Variants in MAGI2 observed in about 807,000 individuals in gnomAD.
MAGI2 encodes the protein membrane-associated guanylate kinase, WW and PDZ domain-containing protein 2.
A neutral mutation model predicts 133.3 loss-of-function variants in MAGI2; 35 were observed. That is an observed-to-expected ratio of 0.26 (90% confidence interval 0.20 to 0.35). MAGI2 has a LOEUF of 0.35. Ranked by LOEUF, MAGI2 falls within the 10% of genes least tolerant of loss-of-function variation. MAGI2 has a pLI of 1.00. For missense variants in MAGI2, 1,636 were observed against 1,863.4 expected (o/e 0.88, Z 2.25); for synonymous variants, 729 against 710.6 (o/e 1.03, Z -0.41).
At chr7:78,664,502 T>G (rs1258249793) in intron 2 of MAGI2, among the ~76,000 whole-genome samples, 1 of 152,060 alleles carries the variant, frequency 6.6e-6, no homozygotes, top group Non-Finnish European at 1.5e-5. Flanking sequence ...TGAAAGAACT[T>G]TCATAGATAA....
intron 1 of MAGI2, among the ~76,000 whole-genome samples, chr7:79,115,670 C>T (rs1418694054): frequency 3.3e-5 from 5 of 151,802 alleles, no homozygotes; most frequent in African/African-American, 9.7e-5. Context: ...CTGTTCTGAG[C>T]TCTTTAGCTG....
rs546424091 is a variant in MAGI2 at position 78,507,563 on chromosome 7, T to C, written c.755-5776A>G. Reference sequence around the variant, plus strand: ...ACTCTCCTAGACATTCAAGGCAACATGGAGGGTGGAGAAGACATGTCTCCC... The same window carrying C: ...ACTCTCCTAGACATTCAAGGCAACACGGAGGGTGGAGAAGACATGTCTCCC... On this transcript the variant is annotated intron_variant, in intron 4 of 21. Coordinates refer to ENST00000354212, the MANE Select transcript of MAGI2 (RefSeq NM_012301.4). Among the ~76,000 whole-genome samples the C allele has an allele frequency of 3.9e-5, 6 of 152,256 alleles. No homozygotes were observed. The East Asian group carries it at 1.2e-3, about 29-fold the overall frequency.
chr7:79,165,898 A>G (rs1296858375), intron 1 of MAGI2, among the ~76,000 whole-genome samples: 2 of 152,106 alleles, frequency 1.3e-5, no homozygotes, highest in South Asian at 2.1e-4. Context: ...TTAGCAGAGG[A>G]GGTAACTACA....
intron 1 of MAGI2, among the ~76,000 whole-genome samples, chr7:79,363,000 A>ATTAGATAGG (rs1305265317): frequency 1.3e-5 from 2 of 151,784 alleles, no homozygotes; most frequent in Non-Finnish European, 2.9e-5. Flanking sequence ...AGATAGGAAG[A>ATTAGATAGG]AATAAACTGT....
At chr7:78,801,633 G>A (rs1788065288) in intron 2 of MAGI2, among the ~76,000 whole-genome samples, 1 of 151,982 alleles carries the variant, frequency 6.6e-6, no homozygotes, top group South Asian at 2.1e-4. Context: ...TAGTGCACAG[G>A]GATTATTTCA....
At chr7:78,739,317 T>C (rs1000125501) in intron 2 of MAGI2, among the ~76,000 whole-genome samples, 12 of 151,948 alleles carry the variant, frequency 7.9e-5, no homozygotes, top group Non-Finnish European at 8.8e-5. Flanking sequence ...TGCAGAGCAG[T>C]TGGGGTTGCG....
intron 1 of MAGI2, chr7:79,415,808 G>A (rs1367472747): frequency 6.6e-6 from 1 of 152,146 alleles, no homozygotes; most frequent in Non-Finnish European, 1.5e-5. Flanking sequence ...AGATCCAGAA[G>A]TAGCAGCTAG....
At chr7:79,268,033 A>G (rs1349988975) in intron 1 of MAGI2, among the ~76,000 whole-genome samples, 1 of 152,182 alleles carries the variant, frequency 6.6e-6, no homozygotes, top group African/African-American at 2.4e-5. Context: ...CCCCTGGTCA[A>G]TGATATTTCA....
At chr7:79,427,402 T>A (rs1847458695) in intron 1 of MAGI2, among the ~76,000 whole-genome samples, 1 of 152,074 alleles carries the variant, frequency 6.6e-6, no homozygotes, top group South Asian at 2.1e-4. Flanking sequence ...AATTATTTTT[T>A]AAAAAAGATG....
intron 1 of MAGI2, among the ~76,000 whole-genome samples, chr7:79,347,169 A>T (rs17152338): frequency 0.31 from 47,078 of 151,870 alleles, 7,597 homozygotes; most frequent in Admixed American, 0.38. Context: ...CTGTTCCATA[A>T]ATATTTGTTG....
intron 7 of MAGI2, among the ~76,000 whole-genome samples, chr7:78,353,647 A>G (rs1791751951): frequency 6.6e-6 from 1 of 152,238 alleles, no homozygotes; most frequent in African/African-American, 2.4e-5. Flanking sequence ...AGCTTCACAA[A>G]GGAAGAGACA....
chr7:78,390,270 T>A (rs1449796131), intron 6 of MAGI2, among the ~76,000 whole-genome samples: 3 of 152,258 alleles, frequency 2.0e-5, no homozygotes, highest in South Asian at 4.1e-4. Flanking sequence ...AATAGAAAAC[T>A]CAAGAAAATT....
chr7:78,198,889 A>G (rs1289172705), intron 11 of MAGI2, among the ~76,000 whole-genome samples: 1 of 152,188 alleles, frequency 6.6e-6, no homozygotes, highest in Non-Finnish European at 1.5e-5. Context: ...CCAGATGGAG[A>G]GAATGAGAAC....
intron 2 of MAGI2, among the ~76,000 whole-genome samples, chr7:78,696,405 A>G (rs1817518556): frequency 6.6e-6 from 1 of 152,232 alleles, no homozygotes; most frequent in Non-Finnish European, 1.5e-5. Flanking sequence ...GCAAAATTTA[A>G]TATCCTTGGC....
In MAGI2 at chr7:78,499,003, T is replaced by G. The variant is rs577137789; in HGVS notation, c.965+2574A>C. On this transcript the variant is annotated intron_variant, in intron 5 of 21. Coordinates refer to ENST00000354212, the MANE Select transcript of MAGI2 (RefSeq NM_012301.4). ...CTCCATCCATTTCTGCTCCTAATAC[T>G]GTCCACCAGTCCTTCCCTCCAACAT... Among the ~76,000 whole-genome samples, 10 of 152,232 alleles carry G rather than the reference T, an allele frequency of 6.6e-5. No homozygotes were observed. In the East Asian group the frequency reaches 1.9e-3, roughly 29 times the overall value.
chr7:78,955,741 CTTTCT>C (rs1802288125), intron 2 of MAGI2, among the ~76,000 whole-genome samples: 1 of 60,646 alleles, frequency 1.6e-5, no homozygotes, highest in Non-Finnish European at 3.7e-5. Flanking sequence ...TTCTTTCTTT[CTTTCT>C]TTCTTTCTTT....
chr7:78,511,934 A>T (rs552886072), intron 4 of MAGI2, among the ~76,000 whole-genome samples: 5 of 151,616 alleles, frequency 3.3e-5, no homozygotes, highest in Admixed American at 2.0e-4. Context: ...TCTCTACTAA[A>T]AAAAAAACAC....
intron 1 of MAGI2, among the ~76,000 whole-genome samples, chr7:79,132,494 A>G (rs1821022542): frequency 6.6e-6 from 1 of 152,178 alleles, no homozygotes; most frequent in Non-Finnish European, 1.5e-5. Flanking sequence ...ATAGGTGAGT[A>G]GTACTCCATG....
At chr7:78,688,415 A>C (rs1816612202) in intron 2 of MAGI2, among the ~76,000 whole-genome samples, 1 of 152,242 alleles carries the variant, frequency 6.6e-6, no homozygotes. Flanking sequence ...CAATATGTTT[A>C]GTTCTGGCAG....
Sources: gnomAD v4.1 joint callset for allele counts (sites outside exome capture counted in the v4.1 genomes callset) on GRCh38, gnomAD v4.1.1 for gene constraint, MANE v1.5 for transcripts, NCBI Gene and HGNC (gene_info 2026-07-23, HGNC 2026-07-21) for gene names.